FBXO4: variants seen among roughly 807,000 people sequenced by gnomAD.
FBXO4 encodes the protein F-box protein 4.
Under a neutral mutation model 43.7 loss-of-function variants are expected in FBXO4, and 36 were observed. That is an observed-to-expected ratio of 0.82 (90% CI 0.63 to 1.09). The LOEUF (loss-of-function observed/expected upper bound fraction) is 1.09, where lower values mean the gene tolerates loss of function less well. FBXO4 is among the 50% of genes least tolerant of loss of function. The pLI, the probability that FBXO4 is intolerant of heterozygous loss-of-function variation, is 0.00. For synonymous variants in FBXO4, 180 were observed against 165.6 expected (o/e 1.09, Z -0.67); for missense variants, 435 against 474.1 (o/e 0.92, Z 0.77).
chr5:41,950,434 C>T, the FBXO4 span, among the ~76,000 whole-genome samples: 6 of 152,120 alleles, frequency 3.9e-5, no homozygotes, highest in African/African-American at 1.4e-4. Context: ...CAAAAGAAGA[C>T]ATTTATGCAG....
the FBXO4 span, chr5:41,967,852 A>G: frequency 1.7e-6 from 1 of 588,534 alleles, no homozygotes; most frequent in East Asian, 4.5e-5. Flanking sequence ...TAAATTCAAC[A>G]ATTCTTCCTC....
the FBXO4 span, among the ~76,000 whole-genome samples, chr5:42,036,820 T>A: frequency 6.6e-6 from 1 of 152,082 alleles, no homozygotes; most frequent in African/African-American, 2.4e-5. Flanking sequence ...CAAGCTTTTT[T>A]TTTCTTCACA....
At chr5:41,963,988 T>C in the FBXO4 span, 1 of 152,220 alleles carries the variant, frequency 6.6e-6, no homozygotes, top group Non-Finnish European at 1.5e-5. Context: ...TTTTTATGCT[T>C]CTTCTAGGTA....
chr5:41,988,509 C>T, the FBXO4 span, among the ~76,000 whole-genome samples: 2 of 152,268 alleles, frequency 1.3e-5, no homozygotes, highest in East Asian at 1.9e-4. Context: ...AGTGTTGGGG[C>T]CTTGATGACT....
chr5:41,964,259 A>G, the FBXO4 span, among the ~76,000 whole-genome samples: 6 of 152,294 alleles, frequency 3.9e-5, no homozygotes, highest in African/African-American at 1.4e-4. Flanking sequence ...AATTGATAAT[A>G]TATGGTTTGC....
At chr5:42,036,615 G>A in the FBXO4 span, among the ~76,000 whole-genome samples, 20 of 152,026 alleles carry the variant, frequency 1.3e-4, no homozygotes, top group Non-Finnish European at 2.9e-5. Flanking sequence ...CTTATCTTGG[G>A]GAATTAAAGT....
chr5:41,957,486 T>G, the FBXO4 span, among the ~76,000 whole-genome samples: 24 of 148,898 alleles, frequency 1.6e-4, no homozygotes, highest in Non-Finnish European at 3.6e-4. Context: ...TAACAATAAT[T>G]ATAATAATCC....
intron 5 of FBXO4, 51 bp from the exon 6 acceptor site, chr5:41,939,390 C>G: frequency 6.9e-7 from 1 of 1,448,260 alleles, no homozygotes. Context: ...TTATTATTTT[C>G]AAAACTATTA....
chr5:42,025,055 G>C, the FBXO4 span, among the ~76,000 whole-genome samples: 2 of 151,812 alleles, frequency 1.3e-5, no homozygotes, highest in African/African-American at 4.8e-5. Flanking sequence ...TCTTTCTTTT[G>C]GGTATATACT....
chr5:41,933,399 T>G (rs1376155602), intron 3 of FBXO4, among the ~76,000 whole-genome samples: 2 of 152,058 alleles, frequency 1.3e-5, no homozygotes, highest in Admixed American at 1.3e-4. Context: ...GTATTTTTTG[T>G]AGAGATGAGG....
At position 41,933,801 on chromosome 5, in the gene FBXO4, A is replaced by G. The variant is rs375021046; in HGVS notation, c.647-145A>G. ...AGTTACATACGGTATCTTTTCTTCAACGTATACATTTTATTTCAACTCTAT... is the reference window on the plus strand; with the variant it reads ...AGTTACATACGGTATCTTTTCTTCAGCGTATACATTTTATTTCAACTCTAT... On this transcript the variant is annotated intron_variant, in intron 3 of 6. Coordinates refer to ENST00000281623, the MANE Select transcript of FBXO4 (RefSeq NM_012176.3). 1.3e-5 allele frequency: 8 copies of G among 622,636 alleles called. No individual in the cohort carries two copies. The African/African-American group carries it at 1.3e-4, about 10-fold the overall frequency. 38.6% of individuals were successfully genotyped at this position (622,636 alleles called of 1,614,324 possible).
downstream of FBXO4, among the ~76,000 whole-genome samples, chr5:41,943,972 G>A (rs1181657987): frequency 1.3e-5 from 2 of 152,172 alleles, no homozygotes; most frequent in Non-Finnish European, 2.9e-5. Flanking sequence ...CCATCTGCAA[G>A]CCAAGGAGAA....
At chr5:42,026,670 C>T in the FBXO4 span, among the ~76,000 whole-genome samples, 13 of 151,780 alleles carry the variant, frequency 8.6e-5, no homozygotes, top group Non-Finnish European at 1.5e-4. Flanking sequence ...CCGTTTTTCC[C>T]CATTCAGCAT....
the FBXO4 span, chr5:41,968,003 A>T: frequency 6.9e-6 from 3 of 435,242 alleles, no homozygotes; most frequent in Non-Finnish European, 1.4e-5. Flanking sequence ...TTGTTGCCAG[A>T]GGCCACCTGC....
chr5:42,016,726 T>G, the FBXO4 span, among the ~76,000 whole-genome samples: 3 of 152,050 alleles, frequency 2.0e-5, no homozygotes, highest in African/African-American at 7.2e-5. Flanking sequence ...AGTGATCTGG[T>G]TGTAAAATTG....
At chr5:42,024,646 T>C in the FBXO4 span, among the ~76,000 whole-genome samples, 1 of 152,022 alleles carries the variant, frequency 6.6e-6, no homozygotes, top group Non-Finnish European at 1.5e-5. Flanking sequence ...TAGATTTTAT[T>C]CATTCTTTAT....
At chr5:41,934,760 A>G in intron 5 of FBXO4, 2 of 1,020,006 alleles carry the variant, frequency 2.0e-6, no homozygotes, top group Non-Finnish European at 2.4e-6. Flanking sequence ...TCCAAATAGT[A>G]AAGAGATGTG....
At chr5:41,967,072 C>T in the FBXO4 span, 6 of 255,294 alleles carry the variant, frequency 2.4e-5, no homozygotes, top group South Asian at 2.5e-4. Flanking sequence ...AATCACGTTT[C>T]TCTCGGCTTG....
chr5:41,961,004 A>T, the FBXO4 span, among the ~76,000 whole-genome samples: 1 of 151,616 alleles, frequency 6.6e-6, no homozygotes, highest in African/African-American at 2.4e-5. Flanking sequence ...CCTTCTATTG[A>T]TGTCTGCAGA....
Sources: allele counts gnomAD v4.1 joint callset (sites outside exome capture counted in the v4.1 genomes callset), GRCh38; gene constraint gnomAD v4.1.1; transcripts MANE v1.5; gene names NCBI Gene and HGNC (gene_info 2026-07-23, HGNC 2026-07-21).